Variants in IL1RAPL1 observed in about 807,000 individuals in gnomAD.
IL1RAPL1 encodes the protein interleukin 1 receptor accessory protein like 1, also known as interleukin-1 receptor accessory protein-like 1.
Under a neutral mutation model 48.4 loss-of-function variants are expected in IL1RAPL1, and 3 were observed. That is an observed-to-expected ratio of 0.06 (90% CI 0.03 to 0.16). IL1RAPL1 has a LOEUF of 0.16. IL1RAPL1 is among the 10% of genes least tolerant of loss of function. The probability of loss-of-function intolerance (pLI) is 1.00; values close to 1 mark genes in which losing one functional copy is unlikely to be tolerated. For synonymous variants in IL1RAPL1, 185 were observed against 187.7 expected, an observed-to-expected ratio of 0.99 and a Z score of 0.12; for missense variants, 349 against 530.6, an observed-to-expected ratio of 0.66 and a Z score of 3.36.
intron 1 of IL1RAPL1, among the ~76,000 whole-genome samples, chrX:28,774,978 C>A (rs990053473): frequency 2.7e-5 from 3 of 111,785 alleles, no homozygotes; most frequent in Non-Finnish European, 3.8e-5. Flanking sequence ...AAATTATTCA[C>A]CAAGTCTGAT....
chrX:29,007,623 A>G (rs1027256734), intron 2 of IL1RAPL1, among the ~76,000 whole-genome samples: 4 of 112,225 alleles, frequency 3.6e-5, no homozygotes, highest in Non-Finnish European at 7.5e-5. Flanking sequence ...GCTTTGTAGT[A>G]TAAATTACAA....
intron 2 of IL1RAPL1, among the ~76,000 whole-genome samples, chrX:28,880,690 T>C (rs1164673188): frequency 8.9e-6 from 1 of 111,918 alleles, no homozygotes; most frequent in Non-Finnish European, 1.9e-5. Context: ...GGAAAATATG[T>C]GTTTCAGTGG....
At chrX:29,441,176 C>T (rs759753822) in intron 5 of IL1RAPL1, among the ~76,000 whole-genome samples, 2 of 111,502 alleles carry the variant, frequency 1.8e-5, no homozygotes, top group Non-Finnish European at 3.8e-5. Context: ...GACATGTTCA[C>T]TGGAATATGT....
At chrX:29,739,458 T>A (rs781122207) in intron 6 of IL1RAPL1, among the ~76,000 whole-genome samples, 1 of 111,780 alleles carries the variant, frequency 8.9e-6, no homozygotes, top group East Asian at 2.8e-4. Flanking sequence ...TGATTCTCAC[T>A]GTCAGGGTCA....
chrX:29,043,913 A>G (rs1375628959), intron 2 of IL1RAPL1, among the ~76,000 whole-genome samples: 3 of 111,651 alleles, frequency 2.7e-5, no homozygotes, highest in Non-Finnish European at 5.6e-5. Flanking sequence ...GCTGATACTC[A>G]TCTCAGGGGA....
chrX:29,609,938 T>C (rs185342870), intron 5 of IL1RAPL1, among the ~76,000 whole-genome samples: 54 of 111,581 alleles, frequency 4.8e-4, no homozygotes, highest in African/African-American at 1.7e-3. Context: ...TCTTACCATT[T>C]TTTTTTATTT....
chrX:29,313,930 A>T (rs1932757750), intron 3 of IL1RAPL1, among the ~76,000 whole-genome samples: 1 of 112,342 alleles, frequency 8.9e-6, no homozygotes, highest in African/African-American at 3.2e-5. Flanking sequence ...CAATTCTGTA[A>T]ATATTAAAAA....
chrX:29,485,957 G>A (rs1935090852), intron 5 of IL1RAPL1, among the ~76,000 whole-genome samples: 1 of 111,206 alleles, frequency 9.0e-6, no homozygotes, highest in South Asian at 3.8e-4. Flanking sequence ...AGTTTGAGAA[G>A]CGCAGCGTTA....
At chrX:28,695,159 T>C (rs2048489157) in intron 1 of IL1RAPL1, among the ~76,000 whole-genome samples, 1 of 111,405 alleles carries the variant, frequency 9.0e-6, no homozygotes, top group Admixed American at 9.6e-5. Context: ...AAGAATCTAT[T>C]GTTATTATTT....
intron 5 of IL1RAPL1, among the ~76,000 whole-genome samples, chrX:29,581,422 T>C (rs759815155): frequency 1.2e-4 from 13 of 111,966 alleles, no homozygotes; most frequent in African/African-American, 4.2e-4. Context: ...CCAGCTCTCC[T>C]GACTACCCAG....
chrX:29,507,379 C>CCCCTT (rs1935345168), intron 5 of IL1RAPL1, among the ~76,000 whole-genome samples: 4 of 1,312 alleles, frequency 3.0e-3, no homozygotes, highest in Admixed American at 8.7e-3. Flanking sequence ...TCCCTTCCCT[C>CCCCTT]CCCTTCCCTT....
Position 29,955,710 on chromosome X carries a change from C to A in IL1RAPL1, c.1981C>A (p.Arg661=). 8.3e-7 allele frequency: 1 copy of A among 1,211,456 alleles called. No individual in the cohort carries two copies. The highest frequency in any genetic ancestry group is 1.1e-6 in the Non-Finnish European group (1 of 895,201). ...NIPMTLINGQ[R]PQTKSSREQN... ...CCCTATGACACTCATCAACGGGCAGCGGCCACAGACAAAATCGAGCAGGGA... is the reference window on the plus strand; with the variant it reads ...CCCTATGACACTCATCAACGGGCAGAGGCCACAGACAAAATCGAGCAGGGA... Residue 661 remains arginine (R), a synonymous_variant, in exon 11 of 11, where the codon CGG becomes AGG. Transcript: ENST00000378993.
chrX:28,833,714 T>G (rs1447939040), intron 2 of IL1RAPL1, among the ~76,000 whole-genome samples: 1 of 112,060 alleles, frequency 8.9e-6, no homozygotes, highest in Non-Finnish European at 1.9e-5. Flanking sequence ...AACTACCTTC[T>G]ATAGATTTCA....
At chrX:29,173,632 AAGT>A (rs1236014313) in intron 2 of IL1RAPL1, among the ~76,000 whole-genome samples, 2 of 111,861 alleles carry the variant, frequency 1.8e-5, no homozygotes, top group Non-Finnish European at 3.8e-5. Flanking sequence ...GATCATTTAC[AAGT>A]TATAAGAGGA....
At chrX:29,080,378 C>CAAAT (rs1260865674) in intron 2 of IL1RAPL1, among the ~76,000 whole-genome samples, 1 of 107,961 alleles carries the variant, frequency 9.3e-6, no homozygotes, top group Non-Finnish European at 1.9e-5. Context: ...GACCCCGTCT[C>CAAAT]AAATAAATAA....
chrX:29,324,281 T>G (rs2147628319), intron 3 of IL1RAPL1, among the ~76,000 whole-genome samples: 1 of 111,743 alleles, frequency 8.9e-6, no homozygotes, highest in East Asian at 2.8e-4. Flanking sequence ...CATACAAATT[T>G]ATTTTATCAT....
intron 2 of IL1RAPL1, among the ~76,000 whole-genome samples, chrX:28,888,267 A>AC (rs1456618048): frequency 6.3e-5 from 7 of 110,738 alleles, no homozygotes; most frequent in African/African-American, 2.3e-4. Context: ...GGTAAAAAAA[A>AC]AAAAACAAAA....
intron 8 of IL1RAPL1, 34 bp from the exon 9 acceptor site, chrX:29,941,617 C>T: frequency 8.4e-7 from 1 of 1,189,845 alleles, no homozygotes; most frequent in South Asian, 1.8e-5. Context: ...ATGTGAATAC[C>T]ATATAATTCC....
intron 6 of IL1RAPL1, among the ~76,000 whole-genome samples, chrX:29,780,574 G>A (rs1047879393): frequency 4.5e-5 from 5 of 111,300 alleles, no homozygotes; most frequent in Non-Finnish European, 9.4e-5. Flanking sequence ...TTCCAACACA[G>A]GTTGTAAGAA....
Sources: gnomAD v4.1 joint callset for allele counts (sites outside exome capture counted in the v4.1 genomes callset) on GRCh38, gnomAD v4.1.1 for gene constraint, MANE v1.5 for transcripts, NCBI Gene and HGNC (gene_info 2026-07-23, HGNC 2026-07-21) for gene names.